The following EXO1 variants were observed in gnomAD, a reference collection of about 807,000 sequenced individuals.
The protein encoded by EXO1 is exonuclease 1.
In EXO1, 69 loss-of-function variants were observed where a neutral mutation model predicts 84.5. The observed-to-expected ratio is 0.82, with a 90% CI of 0.67 to 1.00. The LOEUF (loss-of-function observed/expected upper bound fraction) is 1.00. Ranked by LOEUF, EXO1 falls within the 50% of genes least tolerant of loss-of-function variation. The pLI, the probability that EXO1 is intolerant of heterozygous loss-of-function variation, is 0.00. For synonymous variants in EXO1, 373 were observed against 366.1 expected (o/e 1.02, Z -0.21); for missense variants, 1,045 against 1,000.7 (o/e 1.04, Z -0.60).
chr1:241,878,786 A>T lies in EXO1; in HGVS notation c.1552A>T (p.Asn518Tyr). The T allele has an allele frequency of 2.5e-6, 4 of 1,613,534 alleles. No homozygotes were observed. Among genetic ancestry groups the T allele is most frequent in the Non-Finnish European group, 3.4e-6 (4 of 1,179,646 alleles). The change falls in exon 13 of 16, where the codon AAC becomes TAC. Residue 518 changes from asparagine to tyrosine, a missense_variant. Physicochemically the swap from Asn to Tyr is moderately radical, Grantham distance 143 (BLOSUM62 -2). Transcript: ENST00000366548. The stretch of plus-strand genomic sequence containing the variant: ...TTCAGATTCTACTGACTGTGTATCA[A>T]ACAAAGTGAGCATCCAGCCTCTGGA... ...CSSDSTDCVSNKVSIQPLDET... is the reference protein window; with the variant it reads ...CSSDSTDCVSYKVSIQPLDET...
rs910425196 is a variant in EXO1 at position 241,878,839 on chromosome 1, C to A, written c.1605C>A (p.Asn535Lys). The A allele has an allele frequency of 6.2e-7, 1 of 1,614,000 alleles. No individual in the cohort carries two copies. Among genetic ancestry groups the A allele is most frequent in the Non-Finnish European group, 8.5e-7 (1 of 1,179,914 alleles). ...LDETAVTDKE[N>K]NLHESEYGDQ... ...AAACTGCTGTCACAGATAAAGAGAA[C>A]AATCTGCATGAATCAGAGTATGGAG... The change falls in exon 13 of 16, where the codon AAC (asparagine) becomes AAA (lysine). Residue 535 changes from asparagine (N) to lysine (K), a missense_variant. By Grantham distance (94) the Asn-to-Lys change is moderately conservative (BLOSUM62 0). Transcript: ENST00000366548.
chr1:241,855,041 C>T (rs999265614), intron 6 of EXO1, among the ~76,000 whole-genome samples: 5 of 152,104 alleles, frequency 3.3e-5, no homozygotes, highest in Admixed American at 1.3e-4. Flanking sequence ...ATAAAAGCAG[C>T]GTGGACCCAA....
In EXO1 at chr1:241,848,777, C is replaced by G. The variant is rs997838602; in HGVS notation, c.-373C>G. On this transcript the variant is annotated 5_prime_UTR_variant, in exon 2 of 16. Transcript: ENST00000366548. The surrounding 1 kb of genome is among the most constrained non-coding windows in gnomAD (Gnocchi z 4.2). The stretch of plus-strand genomic sequence containing the variant: ...GGAATGGGCTTGGGGGCCACGCCTG[C>G]ACATCTCCGCGAGACAGAGGGATAA... 6 of 152,324 alleles carry G rather than the reference C, an allele frequency of 3.9e-5. No individual in the cohort carries two copies. The highest frequency in any genetic ancestry group is 1.4e-4 in the African/African-American group (6 of 41,558). The allele number at this position is 152,324 out of a possible 1,614,324, so 9.4% of individuals were successfully genotyped here.
At chr1:241,850,836 CTT>C (rs10641736) in intron 4 of EXO1, among the ~76,000 whole-genome samples, 243 of 105,078 alleles carry the variant, frequency 2.3e-3, no homozygotes, top group African/African-American at 7.1e-3. Context: ...CTCCTTTATT[CTT>C]TTTTTTTTTT....
At chr1:241,863,421 A>C (rs1376358583) in intron 10 of EXO1, among the ~76,000 whole-genome samples, 3 of 109,142 alleles carry the variant, frequency 2.7e-5, no homozygotes, top group Non-Finnish European at 1.9e-5. Flanking sequence ...AAAAAAAAAA[A>C]ACAAAAAAAG....
chr1:241,848,342 C>G lies in EXO1; in HGVS notation c.-431C>G, dbSNP rs1660467875. 2 of 152,344 alleles carry G rather than the reference C, an allele frequency of 1.3e-5. No individual in the cohort carries two copies. The highest frequency in any genetic ancestry group is 1.3e-4 in the Admixed American group (2 of 15,282). The allele number at this position is 152,344 out of a possible 1,614,324, so 9.4% of individuals were successfully genotyped here. A position where few individuals can be genotyped will look rare whatever the true frequency, so the allele number is the denominator to read the frequency against. ...TCCGCTCAAGGGGAGGAGGAGAGTC[C>G]CTTCTCGGAAGGTGAGAGGAGCGGG... On this transcript the variant is annotated 5_prime_UTR_variant, in exon 1 of 16. Coordinates refer to ENST00000366548, the MANE Select transcript of EXO1 (RefSeq NM_130398.4). This position sits in a 1 kb window ranked among gnomAD's most constrained non-coding sequence, Gnocchi z 4.2.
chr1:241,851,073 G>A (rs779577530), intron 4 of EXO1, among the ~76,000 whole-genome samples: 2 of 151,998 alleles, frequency 1.3e-5, no homozygotes, highest in South Asian at 4.1e-4. Flanking sequence ...CAAGTGATCC[G>A]CCTGCTTTGG....
intron 13 of EXO1, among the ~76,000 whole-genome samples, chr1:241,880,337 G>A (rs555326251): frequency 7.8e-4 from 119 of 152,172 alleles, no homozygotes; most frequent in Non-Finnish European, 8.4e-4. Context: ...AGGATATTAA[G>A]TCTGCTGAGC....
chr1:241,873,814 G>A (rs138775045), intron 12 of EXO1, among the ~76,000 whole-genome samples: 136 of 152,238 alleles, frequency 8.9e-4, no homozygotes, highest in South Asian at 3.5e-3. Context: ...AAGAAGGAAG[G>A]GATGAGTGTT....
intron 12 of EXO1, among the ~76,000 whole-genome samples, chr1:241,877,434 T>C (rs1662462984): frequency 6.6e-6 from 1 of 152,160 alleles, no homozygotes; most frequent in South Asian, 2.1e-4. Flanking sequence ...AGCTCATGTT[T>C]TCTGCTTACT....
At position 241,857,304 on chromosome 1, in the gene EXO1, C is replaced by T; in HGVS notation, c.406-41C>T. 6 of 1,609,776 alleles carry T rather than the reference C, an allele frequency of 3.7e-6. No individual in the cohort carries two copies. The South Asian group carries it at 6.6e-5, about 18-fold the overall frequency. On this transcript the variant is annotated intron_variant, in intron 6 of 15. Coordinates refer to ENST00000366548, the MANE Select transcript of EXO1 (RefSeq NM_130398.4). ...AAACAGGAAGTTGTTTAGTACTTTC[C>T]AGATGCCGTGCTAGAGATTCACTGT...
In EXO1 at chr1:241,852,294, A is replaced by C. The variant is rs1418766923; in HGVS notation, c.164A>C (p.Tyr55Ser). Reference sequence around the variant, plus strand: ...AATGTTTTTCTTTTTTTCCATAGGTATGTAGGATTTTGTATGAAATTTGTA... The same window carrying C: ...AATGTTTTTCTTTTTTTCCATAGGTCTGTAGGATTTTGTATGAAATTTGTA... ...KLAKGEPTDRYVGFCMKFVNM... is the reference protein window; with the variant it reads ...KLAKGEPTDRSVGFCMKFVNM... The change falls in exon 5 of 16, where the codon TAT becomes TCT. Residue 55 changes from tyrosine (Y) to serine (S), a missense_variant and splice_region_variant. Tyr to Ser is a moderately radical substitution (Grantham distance 144). Coordinates refer to ENST00000366548, the MANE Select transcript of EXO1 (RefSeq NM_130398.4). 1 of 1,601,800 alleles carries C rather than the reference A, an allele frequency of 6.2e-7. No individual in the cohort carries two copies. Among genetic ancestry groups the C allele is most frequent in the South Asian group, 1.1e-5 (1 of 90,840 alleles).
intron 8 of EXO1, 46 bp downstream of exon 8, chr1:241,858,764 C>T (rs1289580865): frequency 1.7e-6 from 2 of 1,209,508 alleles, no homozygotes; most frequent in East Asian, 2.4e-5. Flanking sequence ...TGAAGCATTT[C>T]CTTAATAAAA....
chr1:241,869,866 G>A (rs1661989841), intron 11 of EXO1, among the ~76,000 whole-genome samples: 1 of 150,594 alleles, frequency 6.6e-6, no homozygotes, highest in Non-Finnish European at 1.5e-5. Context: ...CAGGCTGGAG[G>A]GCAGTGGCGT....
Position 241,850,269 on chromosome 1 carries a change from G to C in EXO1, c.-17-140G>C. 4.9e-6 allele frequency: 3 copies of C among 613,920 alleles called. No individual in the cohort carries two copies. In the South Asian group the frequency reaches 5.5e-5, roughly 11 times the overall value. 38.0% of individuals were successfully genotyped at this position (613,920 alleles called of 1,614,324 possible). On this transcript the variant is annotated intron_variant, in intron 3 of 15. Transcript: ENST00000366548. ...CAGTCCCTCCTGGGCGAAAGAGCGA[G>C]ACTCCGTCTCAAAAAAAAAAAAAAA...
rs552496936 is a variant in EXO1, at chr1:241,857,406, C to T, written c.467C>T (p.Ala156Val). Residue 156 changes from alanine (A) to valine (V), a missense_variant, in exon 7 of 16, where the codon GCC becomes GTC. Ala to Val is a moderately conservative substitution (Grantham distance 64). Transcript: ENST00000366548. ...CCCTATGAAGCTGATGCGCAGTTGG[C>T]CTATCTTAACAAAGCGGGAATTGTG... ...VAPYEADAQLAYLNKAGIVQA... is the reference protein window; with the variant it reads ...VAPYEADAQLVYLNKAGIVQA... 1.2e-6 allele frequency: 2 copies of T among 1,613,742 alleles called. No individual in the cohort carries two copies. Among genetic ancestry groups the T allele is most frequent in the Non-Finnish European group, 1.7e-6 (2 of 1,179,820 alleles).
chr1:241,875,726 A>C (rs955923246), intron 12 of EXO1, among the ~76,000 whole-genome samples: 1 of 152,098 alleles, frequency 6.6e-6, no homozygotes, highest in Admixed American at 6.5e-5. Flanking sequence ...AAAGTACAAA[A>C]AATTAGCCGG....
At chr1:241,853,592 T>A in intron 6 of EXO1, 111 bp downstream of exon 6, 1 of 1,111,614 alleles carries the variant, frequency 9.0e-7, no homozygotes, top group Non-Finnish European at 1.4e-6. Context: ...TAACCTCAAG[T>A]AAAGGGCAGA....
intron 5 of EXO1, among the ~76,000 whole-genome samples, chr1:241,852,776 C>T (rs1025145118): frequency 5.3e-5 from 8 of 152,210 alleles, no homozygotes; most frequent in Admixed American, 1.3e-4. Context: ...TGTGCCTCAG[C>T]CTCCCGAGTA....
Sources: gnomAD v4.1 joint callset for allele counts (sites outside exome capture counted in the v4.1 genomes callset) on GRCh38, gnomAD v4.1.1 for gene constraint, Gnocchi (gnomAD v3.1) non-coding constraint, MANE v1.5 for transcripts, NCBI Gene and HGNC (gene_info 2026-07-23, HGNC 2026-07-21) for gene names.